MTUS2: variants seen among roughly 807,000 people sequenced by gnomAD.
MTUS2 encodes microtubule-associated tumor suppressor candidate 2.
In MTUS2, 40 loss-of-function variants were observed where a neutral mutation model predicts 114.1. That is an observed-to-expected ratio of 0.35 (90% CI 0.27 to 0.46). The LOEUF (loss-of-function observed/expected upper bound fraction) is 0.46, where lower values mean the gene tolerates loss of function less well. Ranked by LOEUF, MTUS2 falls within the 20% of genes least tolerant of loss-of-function variation. MTUS2 has a pLI of 1.00. For synonymous variants in MTUS2, 688 were observed against 672.0 expected (o/e 1.02, Z -0.37); for missense variants, 1,679 against 1,705.4 (o/e 0.98, Z 0.27).
chr13:29,349,903 A>G (rs929602504), intron 7 of MTUS2, among the ~76,000 whole-genome samples: 2 of 152,120 alleles, frequency 1.3e-5, no homozygotes, highest in Non-Finnish European at 2.9e-5. Context: ...GTTTTTATAC[A>G]GTTTTCATCA....
chr13:29,061,288 A>G (rs1173689096), intron 4 of MTUS2, among the ~76,000 whole-genome samples: 1 of 152,148 alleles, frequency 6.6e-6, no homozygotes, highest in Admixed American at 6.5e-5. Flanking sequence ...CCTTTCTTCT[A>G]GAGCTGATTT....
At chr13:29,137,309 G>C (rs191797883) in intron 5 of MTUS2, among the ~76,000 whole-genome samples, 261 of 152,158 alleles carry the variant, frequency 1.7e-3, no homozygotes, top group African/African-American at 6.0e-3. Flanking sequence ...TGATTATACT[G>C]TTTCTTGGTG....
At chr13:28,981,167 A>G (rs1342254773) in intron 2 of MTUS2, among the ~76,000 whole-genome samples, 4 of 152,248 alleles carry the variant, frequency 2.6e-5, no homozygotes, top group Non-Finnish European at 5.9e-5. Context: ...TGTGATTAAA[A>G]TGGTAAATTT....
intron 9 of MTUS2, among the ~76,000 whole-genome samples, chr13:29,452,434 G>A (rs947713169): frequency 5.9e-5 from 9 of 151,970 alleles, no homozygotes; most frequent in African/African-American, 2.2e-4. Context: ...TTGAGACAGA[G>A]CCTTGCTCTG....
chr13:28,888,419 CT>C lies in MTUS2; in HGVS notation c.-243+48586del, dbSNP rs11447851. ...ATCTATCTGGTTTTCCTCTTGGCAT[CT>C]TTTTTTTTTTTTTTTTGATAGATGG... On this transcript the variant is annotated intron_variant, in intron 2 of 15. Transcript: ENST00000612955. 3.2e-3 allele frequency among the ~76,000 whole-genome samples: 429 copies of C among 135,764 alleles called. 2 individuals carry two copies. The highest frequency in any genetic ancestry group is 9.0e-3 in the African/African-American group (331 of 36,770). 89.1% of individuals were successfully genotyped at this position (135,764 alleles called of 152,430 possible).
intron 5 of MTUS2, among the ~76,000 whole-genome samples, chr13:29,207,346 G>A (rs1056487011): frequency 1.3e-5 from 2 of 152,066 alleles, no homozygotes; most frequent in African/African-American, 4.8e-5. Flanking sequence ...GGGTTTCTAG[G>A]TATACCATTA....
chr13:28,922,900 G>T (rs1185054493), intron 2 of MTUS2, among the ~76,000 whole-genome samples: 1 of 152,128 alleles, frequency 6.6e-6, no homozygotes, highest in Non-Finnish European at 1.5e-5. Context: ...CGGCCATCTT[G>T]CTCTGTTCCA....
intron 2 of MTUS2, among the ~76,000 whole-genome samples, chr13:28,943,835 C>T (rs769381941): frequency 2.0e-4 from 30 of 152,092 alleles, no homozygotes; most frequent in Non-Finnish European, 8.8e-5. Context: ...CAGGGAATGC[C>T]ACATTGAGGA....
chr13:29,302,788 C>G (rs1899263751), intron 6 of MTUS2, among the ~76,000 whole-genome samples: 1 of 152,232 alleles, frequency 6.6e-6, no homozygotes, highest in Non-Finnish European at 1.5e-5. Flanking sequence ...AGCACACTTG[C>G]TCTACCAGAC....
At chr13:29,022,890 A>G (rs1039461519) in intron 2 of MTUS2, among the ~76,000 whole-genome samples, 2 of 152,218 alleles carry the variant, frequency 1.3e-5, no homozygotes, top group Non-Finnish European at 2.9e-5. Flanking sequence ...CTCATCATTC[A>G]TTTGGACATT....
chr13:28,853,698 C>G (rs545680709), intron 2 of MTUS2, among the ~76,000 whole-genome samples: 1 of 152,122 alleles, frequency 6.6e-6, no homozygotes, highest in Non-Finnish European at 1.5e-5. Flanking sequence ...CAGAGATTGA[C>G]CATCATGTTA....
At chr13:28,836,046 G>T (rs914206799) in intron 1 of MTUS2, among the ~76,000 whole-genome samples, 3 of 151,722 alleles carry the variant, frequency 2.0e-5, no homozygotes, top group African/African-American at 7.3e-5. Flanking sequence ...CACTTTATAG[G>T]GTATATTTCT....
chr13:29,259,042 A>G (rs750476774), intron 5 of MTUS2, among the ~76,000 whole-genome samples: 8 of 152,264 alleles, frequency 5.3e-5, no homozygotes, highest in Non-Finnish European at 1.0e-4. Flanking sequence ...TCTATGAATA[A>G]TAGATACTTT....
At chr13:29,015,909 T>C (rs1247411839) in intron 2 of MTUS2, among the ~76,000 whole-genome samples, 1 of 151,862 alleles carries the variant, frequency 6.6e-6, no homozygotes, top group African/African-American at 2.4e-5. Context: ...AGATTCGTTC[T>C]TCTTCTTTTT....
intron 6 of MTUS2, among the ~76,000 whole-genome samples, chr13:29,314,962 C>T (rs1899926661): frequency 6.6e-6 from 1 of 152,134 alleles, no homozygotes; most frequent in South Asian, 2.1e-4. Flanking sequence ...AAACGTGGTA[C>T]ATATACACAA....
At position 29,503,134 on chromosome 13, in the gene MTUS2, C is replaced by T. The variant is rs775696937; in HGVS notation, c.4038C>T (p.Pro1346=). The T allele has an allele frequency of 6.2e-7, 1 of 1,614,242 alleles. No homozygotes were observed. The highest frequency in any genetic ancestry group is 8.5e-7 in the Non-Finnish European group (1 of 1,180,040). ...CGACCAGTCCGATTAAACTCTCGCCCACATCTCCCGTTTACCGCGGCTCCT... is the reference window on the plus strand; with the variant it reads ...CGACCAGTCCGATTAAACTCTCGCCTACATCTCCCGTTTACCGCGGCTCCT... ...GDPTSPIKLS[P]TSPVYRGSSS... Residue 1346 remains proline, a synonymous_variant, in exon 16 of 16, where the codon CCC becomes CCT. Transcript: ENST00000612955.
intron 2 of MTUS2, among the ~76,000 whole-genome samples, chr13:28,873,010 A>C (rs986835261): frequency 2.6e-5 from 4 of 152,244 alleles, no homozygotes; most frequent in Admixed American, 1.3e-4. Context: ...GAAACAATGA[A>C]AGTTAGAAGG....
In MTUS2 at chr13:28,820,408, G is replaced by C. The variant is rs1312920275; in HGVS notation, c.-519G>C. The C allele has an allele frequency of 6.6e-6, 1 of 151,934 alleles. No homozygotes were observed. The highest frequency in any genetic ancestry group is 2.1e-4 in the South Asian group (1 of 4,828). The allele number at this position is 151,934 out of a possible 1,614,324, so 9.4% of individuals were successfully genotyped here. ...CTCGCGCTCCACCTGCGCCGCCGCC[G>C]CCGGCTCTCAGGGCAAGTTTATCTC... On this transcript the variant is annotated 5_prime_UTR_variant, in exon 1 of 16. Coordinates refer to ENST00000612955, the MANE Select transcript of MTUS2 (RefSeq NM_001033602.4).
chr13:29,254,101 A>G (rs1164596625), intron 5 of MTUS2, among the ~76,000 whole-genome samples: 1 of 152,184 alleles, frequency 6.6e-6, no homozygotes, highest in Non-Finnish European at 1.5e-5. Flanking sequence ...AGGTTCTGGA[A>G]AAGAAGTGAC....
Sources: gnomAD v4.1 joint callset for allele counts (sites outside exome capture counted in the v4.1 genomes callset) on GRCh38, gnomAD v4.1.1 for gene constraint, MANE v1.5 for transcripts, NCBI Gene and HGNC (gene_info 2026-07-23, HGNC 2026-07-21) for gene names.